ZFYVE9: variants seen among roughly 807,000 people sequenced by gnomAD.
ZFYVE9 encodes the protein zinc finger FYVE-type containing 9.
Under a neutral mutation model 126.7 loss-of-function variants are expected in ZFYVE9, and 43 were observed. The ratio of observed to expected loss-of-function variants is 0.34; its 90% CI spans 0.27 to 0.44. The LOEUF (loss-of-function observed/expected upper bound fraction) is 0.44, where lower values mean the gene tolerates loss of function less well. ZFYVE9 is among the 20% of genes least tolerant of loss of function. ZFYVE9 has a pLI of 1.00. For synonymous variants in ZFYVE9, 521 were observed against 597.4 expected (o/e 0.87, Z 1.87); for missense variants, 1,476 against 1,697.0 (o/e 0.87, Z 2.29).
At chr1:52,247,982 G>C (rs1051669188) in intron 4 of ZFYVE9, among the ~76,000 whole-genome samples, 1 of 151,956 alleles carries the variant, frequency 6.6e-6, no homozygotes, top group Non-Finnish European at 1.5e-5. Context: ...TTAGTCAGAA[G>C]GACAGAACCA....
chr1:52,264,256 TC>T (rs1303618837), intron 5 of ZFYVE9, among the ~76,000 whole-genome samples: 3 of 152,216 alleles, frequency 2.0e-5, no homozygotes, highest in African/African-American at 7.2e-5. Context: ...GCCATCTCTT[TC>T]TAAGGAACAA....
In ZFYVE9 at chr1:52,301,112, G is replaced by A. The variant is rs1257679531; in HGVS notation, c.3334-2709G>A. On this transcript the variant is annotated intron_variant, in intron 12 of 18. Coordinates refer to ENST00000287727, the MANE Select transcript of ZFYVE9 (RefSeq NM_004799.4). ...TGACCTCAAGGGATCCTCCTGCCCT[G>A]GCCTACCAAAGTGCTGGGATTACAG... Among the ~76,000 whole-genome samples, 5 of 151,718 alleles carry A rather than the reference G, an allele frequency of 3.3e-5. No homozygotes were observed. The East Asian group carries it at 9.7e-4, about 29-fold the overall frequency.
chr1:52,274,471 T>C lies in ZFYVE9; in HGVS notation c.2633T>C (p.Ile878Thr), dbSNP rs750560890. Residue 878 changes from isoleucine to threonine, a missense_variant, in exon 8 of 19, where the codon ATT becomes ACT. By Grantham distance (89) the Ile-to-Thr change is moderately conservative (BLOSUM62 -1). Around this residue, in one of 2 missense-constraint regions of ZFYVE9, gnomAD observed 669 missense variants for 902.4 expected, o/e 0.74. Transcript: ENST00000287727. ...TTGATTTGCTTTTCCTAGACGGATATTTGTCTATTCTCTGGGAGTATAACT... is the reference window on the plus strand; with the variant it reads ...TTGATTTGCTTTTCCTAGACGGATACTTGTCTATTCTCTGGGAGTATAACT... ...TTSPLPAETD[I>T]CLFSGSITQV... 2.5e-6 allele frequency: 4 copies of C among 1,608,268 alleles called. No homozygotes were observed. The highest frequency in any genetic ancestry group is 2.6e-6 in the Non-Finnish European group (3 of 1,176,024).
intron 1 of ZFYVE9, among the ~76,000 whole-genome samples, chr1:52,190,616 A>G (rs1644807785): frequency 6.6e-6 from 1 of 152,198 alleles, no homozygotes; most frequent in Non-Finnish European, 1.5e-5. Context: ...TCTGGATTAC[A>G]TAAAGAAGCA....
In ZFYVE9 at chr1:52,263,820, G is replaced by A; in HGVS notation, c.2226G>A (p.Met742Ile). ...CCSLKCKLLYMDRKEARVCVI... is the reference protein window; with the variant it reads ...CCSLKCKLLYIDRKEARVCVI... ...GCCTGAAATGTAAACTGTTATACAT[G>A]GACAGAAAGGAAGCTAGAGTGTGTG... The change falls in exon 5 of 19, where the codon ATG (methionine) becomes ATA (isoleucine). Residue 742 changes from methionine (M) to isoleucine (I), a missense_variant. Met to Ile is a conservative substitution (Grantham distance 10). Coordinates refer to ENST00000287727, the MANE Select transcript of ZFYVE9 (RefSeq NM_004799.4). 6.5e-7 allele frequency: 1 copy of A among 1,531,414 alleles called. No individual in the cohort carries two copies. Among genetic ancestry groups the A allele is most frequent in the Non-Finnish European group, 8.8e-7 (1 of 1,134,704 alleles). The allele number at this position is 1,531,414 out of a possible 1,614,324, so 94.9% of individuals were successfully genotyped here.
At position 52,292,889 on chromosome 1, in the gene ZFYVE9, A is replaced by G. The variant is rs985280674; in HGVS notation, c.3026-564A>G. 7.9e-5 allele frequency among the ~76,000 whole-genome samples: 12 copies of G among 152,196 alleles called. No homozygotes were observed. The East Asian group carries it at 1.2e-3, about 15-fold the overall frequency. On this transcript the variant is annotated intron_variant, in intron 10 of 18. Transcript: ENST00000287727. ...AATATTTTTGGCTTTTACTTAGACA[A>G]ACTTCAACAATGTGATAATATAACT...
At chr1:52,205,071 T>TA (rs1277467547) in intron 1 of ZFYVE9, among the ~76,000 whole-genome samples, 1 of 148,072 alleles carries the variant, frequency 6.8e-6, no homozygotes, top group Non-Finnish European at 1.5e-5. Flanking sequence ...CTGTGAATTT[T>TA]TTTTTTTTTT....
At chr1:52,168,096 G>A (rs977633665) in intron 1 of ZFYVE9, among the ~76,000 whole-genome samples, 1 of 151,650 alleles carries the variant, frequency 6.6e-6, no homozygotes, top group Non-Finnish European at 1.5e-5. Context: ...CTTTCATTTA[G>A]TATACTTCTT....
At chr1:52,260,453 T>C (rs1011332979) in intron 4 of ZFYVE9, among the ~76,000 whole-genome samples, 1 of 152,100 alleles carries the variant, frequency 6.6e-6, no homozygotes, top group Admixed American at 6.5e-5. Flanking sequence ...TCCATTCTTA[T>C]TCTCTTCCTT....
At chr1:52,162,989 T>C in intron 1 of ZFYVE9, 1 of 378,160 alleles carries the variant, frequency 2.6e-6, no homozygotes. Flanking sequence ...TGAAGACTCA[T>C]TTACTTAGGA....
chr1:52,215,594 G>A (rs953109407), intron 1 of ZFYVE9, among the ~76,000 whole-genome samples: 1 of 152,186 alleles, frequency 6.6e-6, no homozygotes, highest in Non-Finnish European at 1.5e-5. Flanking sequence ...ATGATTATGT[G>A]TTAGATATTT....
intron 13 of ZFYVE9, among the ~76,000 whole-genome samples, chr1:52,327,245 G>A (rs2147864973): frequency 6.6e-6 from 1 of 152,240 alleles, no homozygotes; most frequent in East Asian, 1.9e-4. Context: ...AAAAAGTACA[G>A]AGAATGTGCT....
At chr1:52,162,543 C>T (rs941657043) in intron 1 of ZFYVE9, 1 of 261,070 alleles carries the variant, frequency 3.8e-6, no homozygotes, top group African/African-American at 2.3e-5. Flanking sequence ...AAAAGCAAAT[C>T]CTTGAGATCG....
At chr1:52,185,279 AT>A (rs1557444674) in intron 1 of ZFYVE9, among the ~76,000 whole-genome samples, 1 of 152,132 alleles carries the variant, frequency 6.6e-6, no homozygotes, top group African/African-American at 2.4e-5. Context: ...AGATATTTTT[AT>A]TATCCTCATT....
At chr1:52,193,966 T>A (rs1644838843) in intron 1 of ZFYVE9, among the ~76,000 whole-genome samples, 1 of 152,002 alleles carries the variant, frequency 6.6e-6, no homozygotes, top group African/African-American at 2.4e-5. Flanking sequence ...TAGAATTCTA[T>A]GTGTACAATT....
chr1:52,315,150 C>T (rs988564924), intron 13 of ZFYVE9, among the ~76,000 whole-genome samples: 6 of 152,260 alleles, frequency 3.9e-5, no homozygotes, highest in South Asian at 2.1e-4. Flanking sequence ...AATGTTTGGC[C>T]GGGTGCAGTG....
At chr1:52,342,778 C>T (rs1363949018) in intron 17 of ZFYVE9, among the ~76,000 whole-genome samples, 8 of 152,148 alleles carry the variant, frequency 5.3e-5, no homozygotes, top group Non-Finnish European at 8.8e-5. Flanking sequence ...GTGATCTGCC[C>T]GCCTCGGCCT....
chr1:52,288,942 A>AG (rs1645890979), intron 10 of ZFYVE9, among the ~76,000 whole-genome samples: 1 of 147,788 alleles, frequency 6.8e-6, no homozygotes, highest in East Asian at 1.9e-4. Flanking sequence ...AAAAAAAAAA[A>AG]AAAAGAAAAA....
chr1:52,187,079 T>C (rs1644772245), intron 1 of ZFYVE9, among the ~76,000 whole-genome samples: 1 of 152,088 alleles, frequency 6.6e-6, no homozygotes, highest in African/African-American at 2.4e-5. Context: ...ACTACAGTGC[T>C]ACAGTAACCA....
Sources: allele counts gnomAD v4.1 joint callset (sites outside exome capture counted in the v4.1 genomes callset), GRCh38; gene constraint gnomAD v4.1.1; regional missense constraint gnomAD v4.1.1; transcripts MANE v1.5; gene names NCBI Gene and HGNC (gene_info 2026-07-23, HGNC 2026-07-21).